Variants in KCNH1 observed in about 807,000 individuals in gnomAD.
KCNH1 encodes voltage-gated delayed rectifier potassium channel KCNH1.
In KCNH1, 27 loss-of-function variants were observed where a neutral mutation model predicts 69.2. The ratio of observed to expected loss-of-function variants is 0.39; its 90% confidence interval spans 0.29 to 0.54. KCNH1 has a LOEUF of 0.54. Ranked by LOEUF, KCNH1 falls within the 20% of genes least tolerant of loss-of-function variation. The pLI, the probability that KCNH1 is intolerant of heterozygous loss-of-function variation, is 0.68. For missense variants in KCNH1, 798 were observed against 1,261.6 expected, an observed-to-expected ratio of 0.63 and a Z score of 5.57; for synonymous variants, 456 against 487.7, an observed-to-expected ratio of 0.93 and a Z score of 0.86.
chr1:210,918,019 C>T (rs1485263869), intron 7 of KCNH1, among the ~76,000 whole-genome samples: 1 of 152,172 alleles, frequency 6.6e-6, no homozygotes, highest in East Asian at 1.9e-4. Flanking sequence ...TAGGCACACA[C>T]TTCCCACAAA....
chr1:210,749,108 C>T (rs1683225649), intron 10 of KCNH1, among the ~76,000 whole-genome samples: 1 of 152,102 alleles, frequency 6.6e-6, no homozygotes. Flanking sequence ...CTCTTGATAC[C>T]CTGCAGTCCC....
At chr1:210,982,429 T>TC (rs1688732152) in intron 6 of KCNH1, among the ~76,000 whole-genome samples, 1 of 151,758 alleles carries the variant, frequency 6.6e-6, no homozygotes, top group Non-Finnish European at 1.5e-5. Flanking sequence ...TTCCCCCCAC[T>TC]CCACACCAGT....
chr1:210,991,081 T>C (rs1688927057), intron 6 of KCNH1, among the ~76,000 whole-genome samples: 1 of 152,134 alleles, frequency 6.6e-6, no homozygotes. Context: ...TTACCATATG[T>C]CCCAGAATCC....
rs1223257288 is a variant in KCNH1, at chr1:210,989,358, T to C, written c.1032+29425A>G. Among the ~76,000 whole-genome samples, 2 of 152,242 alleles carry C rather than the reference T, an allele frequency of 1.3e-5. 1 individual carries two copies. Among genetic ancestry groups the C allele is most frequent in the Admixed American group, 1.3e-4 (2 of 15,282 alleles). On this transcript the variant is annotated intron_variant, in intron 6 of 10. Coordinates refer to ENST00000271751, the MANE Select transcript of KCNH1 (RefSeq NM_172362.3). ...AGAAATAGATATCAAAGCCAGTCTG[T>C]GAGTTTTCTTGTTATAGCCACGAGC...
At chr1:210,841,777 G>A (rs1466166802) in intron 7 of KCNH1, among the ~76,000 whole-genome samples, 3 of 152,050 alleles carry the variant, frequency 2.0e-5, no homozygotes, top group Non-Finnish European at 4.4e-5. Context: ...TCTTTTCTAA[G>A]GACCAATGAA....
intron 6 of KCNH1, among the ~76,000 whole-genome samples, chr1:211,013,145 T>C (rs953003500): frequency 6.6e-6 from 1 of 152,058 alleles, no homozygotes; most frequent in Non-Finnish European, 1.5e-5. Context: ...GCCATCTACC[T>C]AAAAAGAACC....
At chr1:210,960,662 C>A (rs955894930) in intron 6 of KCNH1, among the ~76,000 whole-genome samples, 2 of 152,098 alleles carry the variant, frequency 1.3e-5, no homozygotes, top group African/African-American at 4.8e-5. Context: ...TACCCATTAC[C>A]TATTGAGGAT....
chr1:210,711,881 G>A (rs1337825533), intron 10 of KCNH1, among the ~76,000 whole-genome samples: 2 of 152,190 alleles, frequency 1.3e-5, no homozygotes, highest in Non-Finnish European at 1.5e-5. Flanking sequence ...GGCTCTCAGA[G>A]GCTGGTTAGT....
Position 210,944,551 on chromosome 1 carries a change from C to A in KCNH1, c.1033-24482G>T, listed in dbSNP as rs373771963. 1.4e-4 allele frequency among the ~76,000 whole-genome samples: 22 copies of A among 152,224 alleles called. No homozygotes were observed. The East Asian group carries it at 2.7e-3, about 19-fold the overall frequency. ...ACAGAACTTTGGATCAGGAGGGGAC[C>A]CCAGGGGTCACTGAGCCACACCCCT... On this transcript the variant is annotated intron_variant, in intron 6 of 10. Coordinates refer to ENST00000271751, the MANE Select transcript of KCNH1 (RefSeq NM_172362.3).
intron 7 of KCNH1, among the ~76,000 whole-genome samples, chr1:210,872,149 C>CA (rs60497732): frequency 0.048 from 3,751 of 77,598 alleles, 86 homozygotes; most frequent in South Asian, 0.098. Context: ...GGAAGAGCAC[C>CA]AAAAAAAAAA....
intron 3 of KCNH1, among the ~76,000 whole-genome samples, chr1:211,091,174 C>A (rs1691044926): frequency 6.6e-6 from 1 of 152,122 alleles, no homozygotes; most frequent in Non-Finnish European, 1.5e-5. Context: ...ACTCACATGA[C>A]CAATCACACA....
At chr1:211,058,454 G>T (rs1173374891) in intron 5 of KCNH1, among the ~76,000 whole-genome samples, 2 of 151,970 alleles carry the variant, frequency 1.3e-5, no homozygotes, top group African/African-American at 4.8e-5. Flanking sequence ...TTAAAAGCAG[G>T]GGATGAAGTT....
chr1:210,722,682 C>T (rs1383941682), intron 10 of KCNH1, among the ~76,000 whole-genome samples: 1 of 152,192 alleles, frequency 6.6e-6, no homozygotes, highest in South Asian at 2.1e-4. Flanking sequence ...TTTGATTTAA[C>T]CTCTATCCCC....
intron 6 of KCNH1, among the ~76,000 whole-genome samples, chr1:210,981,956 G>A (rs1329862103): frequency 6.6e-6 from 1 of 152,020 alleles, no homozygotes; most frequent in Non-Finnish European, 1.5e-5. Flanking sequence ...TGGGGGAAGC[G>A]GGTACGGTTT....
intron 7 of KCNH1, among the ~76,000 whole-genome samples, chr1:210,844,647 C>T (rs1685498183): frequency 6.6e-6 from 1 of 152,114 alleles, no homozygotes; most frequent in South Asian, 2.1e-4. Flanking sequence ...AATAGACACC[C>T]TAACATCACC....
At chr1:210,697,048 T>A (rs1475832805) in intron 10 of KCNH1, among the ~76,000 whole-genome samples, 4 of 152,206 alleles carry the variant, frequency 2.6e-5, no homozygotes, top group African/African-American at 9.6e-5. Context: ...TTGAAGAATT[T>A]CAGATTTAGA....
intron 7 of KCNH1, among the ~76,000 whole-genome samples, chr1:210,836,426 T>C (rs1685284762): frequency 6.6e-6 from 1 of 152,214 alleles, no homozygotes. Context: ...CTCAGAAGAA[T>C]GCTGATGCAC....
chr1:211,027,024 C>A (rs1358486274), intron 5 of KCNH1, among the ~76,000 whole-genome samples: 1 of 152,016 alleles, frequency 6.6e-6, no homozygotes, highest in Non-Finnish European at 1.5e-5. Context: ...CAGAGACTAC[C>A]CAAATGCCAA....
chr1:210,730,610 A>G, intron 10 of KCNH1, among the ~76,000 whole-genome samples: 1 of 116,226 alleles, frequency 8.6e-6, no homozygotes, highest in South Asian at 3.0e-4. Flanking sequence ...ACCCTTCTGG[A>G]GTCTTACTAT....
Sources: gnomAD v4.1 joint callset for allele counts (sites outside exome capture counted in the v4.1 genomes callset) on GRCh38, gnomAD v4.1.1 for gene constraint, MANE v1.5 for transcripts, NCBI Gene and HGNC (gene_info 2026-07-23, HGNC 2026-07-21) for gene names.